MAML2: variants seen among roughly 807,000 people sequenced by gnomAD.
MAML2 encodes mastermind-like protein 2.
A neutral mutation model predicts 96.1 loss-of-function variants in MAML2; 22 were observed. The ratio of observed to expected loss-of-function variants is 0.23; its 90% CI spans 0.16 to 0.33. MAML2 has a LOEUF of 0.33. Among genes scored for constraint, MAML2 ranks in the 10% least tolerant of loss-of-function variants. MAML2 has a pLI of 1.00. For missense variants in MAML2, 1,367 were observed against 1,392.4 expected, an observed-to-expected ratio of 0.98 and a Z score of 0.29; for synonymous variants, 561 against 521.3, an observed-to-expected ratio of 1.08 and a Z score of -1.04.
intron 2 of MAML2, among the ~76,000 whole-genome samples, chr11:96,067,104 AG>A (rs930353498): frequency 2.6e-5 from 4 of 152,124 alleles, no homozygotes; most frequent in Non-Finnish European, 5.9e-5. Context: ...CTGAGTGGGG[AG>A]GAGACATCAC....
intron 2 of MAML2, among the ~76,000 whole-genome samples, chr11:95,993,084 ATT>A (rs146596429): frequency 6.6e-6 from 1 of 150,994 alleles, no homozygotes; most frequent in Non-Finnish European, 1.5e-5. Flanking sequence ...TAATTTTTAA[ATT>A]TTTTTTAGAG....
intron 2 of MAML2, among the ~76,000 whole-genome samples, chr11:95,996,603 T>A (rs928957700): frequency 2.6e-5 from 4 of 152,136 alleles, no homozygotes; most frequent in African/African-American, 9.7e-5. Context: ...AACTCATGGG[T>A]TTTACCATGT....
At chr11:96,119,005 C>T (rs1455089787) in intron 1 of MAML2, among the ~76,000 whole-genome samples, 1 of 152,166 alleles carries the variant, frequency 6.6e-6, no homozygotes, top group African/African-American at 2.4e-5. Context: ...ACTCCTTCTA[C>T]ATCTATTGAC....
Position 96,284,370 on chromosome 11 carries a change from G to T in MAML2, c.513+57013C>A, listed in dbSNP as rs138150794. Among the ~76,000 whole-genome samples the T allele has an allele frequency of 2.3e-3, 351 of 152,254 alleles. 3 individuals carry two copies. The highest frequency in any genetic ancestry group is 7.8e-3 in the African/African-American group (323 of 41,542). On this transcript the variant is annotated intron_variant, in intron 1 of 4. Coordinates refer to ENST00000524717, the MANE Select transcript of MAML2 (RefSeq NM_032427.4). Reference sequence around the variant, plus strand: ...ATCTCCTAATATCTCTAACAACATAGTCCGTATCAAACTTATCACCATCTT... The same window carrying T: ...ATCTCCTAATATCTCTAACAACATATTCCGTATCAAACTTATCACCATCTT...
chr11:96,138,813 G>A (rs1860682210), intron 1 of MAML2, among the ~76,000 whole-genome samples: 1 of 151,954 alleles, frequency 6.6e-6, no homozygotes, highest in Non-Finnish European at 1.5e-5. Flanking sequence ...TGACAACTTT[G>A]TATTGTCCTA....
At chr11:96,247,076 C>G (rs531163442) in intron 1 of MAML2, among the ~76,000 whole-genome samples, 3 of 152,144 alleles carry the variant, frequency 2.0e-5, no homozygotes, top group Admixed American at 2.0e-4. Flanking sequence ...CTGTCTGATT[C>G]ATTCTGTTGA....
chr11:96,274,764 G>A (rs1862963557), intron 1 of MAML2, among the ~76,000 whole-genome samples: 1 of 152,068 alleles, frequency 6.6e-6, no homozygotes, highest in Non-Finnish European at 1.5e-5. Context: ...TGGATTAGAT[G>A]TTTAATTTGG....
intron 1 of MAML2, among the ~76,000 whole-genome samples, chr11:96,213,496 A>T (rs964706045): frequency 1.3e-5 from 2 of 152,200 alleles, no homozygotes; most frequent in Non-Finnish European, 2.9e-5. Context: ...ACTGTATAAA[A>T]TATCCTTTCT....
At chr11:96,337,709 A>G (rs1028560123) in intron 1 of MAML2, among the ~76,000 whole-genome samples, 2 of 152,258 alleles carry the variant, frequency 1.3e-5, no homozygotes, top group Non-Finnish European at 2.9e-5. Context: ...TTCATCATTT[A>G]AAACCGACAA....
At chr11:96,252,406 C>T (rs912322579) in intron 1 of MAML2, among the ~76,000 whole-genome samples, 4 of 150,394 alleles carry the variant, frequency 2.7e-5, no homozygotes, top group African/African-American at 9.8e-5. Context: ...TTGTTCTCAG[C>T]GCTTTACCTT....
rs138066624 is a variant in MAML2, at chr11:96,174,285, C to T, written c.514-80768G>A. Among the ~76,000 whole-genome samples, 105 of 152,328 alleles carry T rather than the reference C, an allele frequency of 6.9e-4. 1 individual carries two copies. The East Asian group carries it at 0.018, about 27-fold the overall frequency. ...TCTGTCCTGGAAGGTTCTTACCAATCGCATATCCTCTGTGAACACTCCCCC... is the reference window on the plus strand; with the variant it reads ...TCTGTCCTGGAAGGTTCTTACCAATTGCATATCCTCTGTGAACACTCCCCC... On this transcript the variant is annotated intron_variant, in intron 1 of 4. Transcript: ENST00000524717.
At position 96,342,006 on chromosome 11, in the gene MAML2, A is replaced by G; in HGVS notation, c.-111T>C. 9.2e-7 allele frequency: 1 copy of G among 1,086,572 alleles called. No homozygotes were observed. Among genetic ancestry groups the G allele is most frequent in the Non-Finnish European group, 1.3e-6 (1 of 781,264 alleles). 67.3% of individuals were successfully genotyped at this position (1,086,572 alleles called of 1,614,324 possible). Reference sequence around the variant, plus strand: ...CAATGTGAGCTCAGTGTTCAGGGCCACATGAATAGAGGTCTTCAGAGGTTG... The same window carrying G: ...CAATGTGAGCTCAGTGTTCAGGGCCGCATGAATAGAGGTCTTCAGAGGTTG... On this transcript the variant is annotated 5_prime_UTR_variant, in exon 1 of 5. Transcript: ENST00000524717.
chr11:96,207,466 G>C (rs1478799364), intron 1 of MAML2, among the ~76,000 whole-genome samples: 1 of 152,196 alleles, frequency 6.6e-6, no homozygotes, highest in Non-Finnish European at 1.5e-5. Flanking sequence ...CACAGATTAT[G>C]TGCAACTACA....
intron 1 of MAML2, among the ~76,000 whole-genome samples, chr11:96,118,595 G>C (rs1860284302): frequency 6.6e-6 from 1 of 152,120 alleles, no homozygotes; most frequent in African/African-American, 2.4e-5. Context: ...TCATCATATA[G>C]TAATTTCTCA....
chr11:96,111,070 A>C (rs1860111426), intron 1 of MAML2, among the ~76,000 whole-genome samples: 1 of 152,074 alleles, frequency 6.6e-6, no homozygotes, highest in African/African-American at 2.4e-5. Flanking sequence ...GGGAGTGGGG[A>C]GGGGTAGTGG....
At chr11:96,105,717 G>A (rs1860010834) in intron 1 of MAML2, among the ~76,000 whole-genome samples, 1 of 152,120 alleles carries the variant, frequency 6.6e-6, no homozygotes. Flanking sequence ...GTTAGCCTGA[G>A]TAACTATGAA....
chr11:96,110,593 C>T (rs1860102368), intron 1 of MAML2, among the ~76,000 whole-genome samples: 2 of 152,122 alleles, frequency 1.3e-5, no homozygotes, highest in Non-Finnish European at 2.9e-5. Context: ...AAGAAAGAAG[C>T]CAGGCCACAA....
At chr11:96,171,095 C>T (rs943825229) in intron 1 of MAML2, among the ~76,000 whole-genome samples, 1 of 151,982 alleles carries the variant, frequency 6.6e-6, no homozygotes, top group Non-Finnish European at 1.5e-5. Context: ...TCTTTCCTCT[C>T]TCTTACCTCC....
In MAML2 at chr11:96,240,557, CAAAAAAAAA is replaced by C. The variant is rs55659413; in HGVS notation, c.513+100817_513+100825del. Among the ~76,000 whole-genome samples, 19 of 51,098 alleles carry C rather than the reference CAAAAAAAAA, an allele frequency of 3.7e-4. 1 individual carries two copies. The highest frequency in any genetic ancestry group is 6.6e-4 in the Admixed American group (2 of 3,038). The allele number at this position is 51,098 out of a possible 152,430, so 33.5% of individuals were successfully genotyped here. On this transcript the variant is annotated intron_variant, in intron 1 of 4. Transcript: ENST00000524717. ...TGGGCGACAGAGCGAGACTCCGTCT[CAAAAAAAAA>C]AAAAAAAAAAAAAAAAAGAAAGCTG... is the stretch of plus-strand genomic sequence containing the variant.
Sources: allele counts gnomAD v4.1 joint callset (sites outside exome capture counted in the v4.1 genomes callset), GRCh38; gene constraint gnomAD v4.1.1; transcripts MANE v1.5; gene names NCBI Gene and HGNC (gene_info 2026-07-23, HGNC 2026-07-21).